Variants in PCCA observed in about 807,000 individuals in gnomAD.
PCCA encodes propionyl-CoA carboxylase alpha chain, mitochondrial.
A neutral mutation model predicts 101.3 loss-of-function variants in PCCA; 74 were observed. The observed-to-expected ratio is 0.73, with a 90% CI of 0.61 to 0.89. The LOEUF is 0.89. Ranked by LOEUF, PCCA falls within the 40% of genes least tolerant of loss-of-function variation. The pLI is 0.00. For synonymous variants in PCCA, 294 were observed against 313.6 expected (o/e 0.94, Z 0.66); for missense variants, 891 against 907.0 (o/e 0.98, Z 0.23).
intron 13 of PCCA, 151 bp downstream of exon 13, chr13:100,301,754 A>G: frequency 1.1e-6 from 1 of 927,804 alleles, no homozygotes; most frequent in Non-Finnish European, 1.7e-6. Flanking sequence ...AAAATTAGAT[A>G]ATTTTGACCT....
intron 21 of PCCA, among the ~76,000 whole-genome samples, chr13:100,469,224 A>AAAAAAAAAAAAAAAAAAAAAG (rs1235528727): frequency 6.7e-6 from 1 of 150,300 alleles, no homozygotes; most frequent in African/African-American, 2.4e-5. Flanking sequence ...AAAAAAAAAA[A>AAAAAAAAAAAAAAAAAAAAAG]AAAGAATCCC....
At chr13:100,270,898 A>G (rs938517414) in intron 11 of PCCA, among the ~76,000 whole-genome samples, 3 of 152,064 alleles carry the variant, frequency 2.0e-5, no homozygotes, top group South Asian at 2.1e-4. Context: ...AGTTCCAGCT[A>G]CTTGGGAGGC....
intron 12 of PCCA, among the ~76,000 whole-genome samples, chr13:100,281,767 T>C (rs1227753671): frequency 2.0e-5 from 3 of 152,242 alleles, no homozygotes; most frequent in African/African-American, 4.8e-5. Flanking sequence ...TAATGACTTC[T>C]AATAACCTGT....
At chr13:100,262,382 A>C (rs1188763944) in intron 9 of PCCA, among the ~76,000 whole-genome samples, 1 of 151,436 alleles carries the variant, frequency 6.6e-6, no homozygotes, top group African/African-American at 2.4e-5. Context: ...CGACAGAGTG[A>C]GACTCTGTCT....
At chr13:100,131,173 A>G (rs1033386644) in intron 4 of PCCA, among the ~76,000 whole-genome samples, 4 of 152,174 alleles carry the variant, frequency 2.6e-5, no homozygotes, top group Non-Finnish European at 4.4e-5. Flanking sequence ...TCTTGCCCTC[A>G]TTCTCTGTGA....
intron 20 of PCCA, among the ~76,000 whole-genome samples, chr13:100,426,648 A>C (rs1334424664): frequency 6.6e-6 from 1 of 152,176 alleles, no homozygotes; most frequent in Non-Finnish European, 1.5e-5. Context: ...GTTTCAATTG[A>C]TATATTATCT....
chr13:100,475,873 A>G (rs1182738235), intron 21 of PCCA, among the ~76,000 whole-genome samples: 1 of 152,134 alleles, frequency 6.6e-6, no homozygotes, highest in Non-Finnish European at 1.5e-5. Flanking sequence ...AATATTCTCT[A>G]TGTAGTATTC....
In PCCA at chr13:100,131,800, G is replaced by T. The variant is rs74116310; in HGVS notation, c.300+19739G>T. The stretch of plus-strand genomic sequence containing the variant: ...AGATGCTCCACATCTTTTGAACTAG[G>T]CAGTTGTGGTTCCTGCACTCTTGTG... On this transcript the variant is annotated intron_variant, in intron 4 of 23. Coordinates refer to ENST00000376285, the MANE Select transcript of PCCA (RefSeq NM_000282.4). Among the ~76,000 whole-genome samples, 1,225 of 152,276 alleles carry T rather than the reference G, an allele frequency of 8.0e-3. 15 individuals are homozygous for T. Among genetic ancestry groups the T allele is most frequent in the African/African-American group, 0.028 (1,167 of 41,544 alleles).
intron 22 of PCCA, among the ~76,000 whole-genome samples, chr13:100,526,511 G>T (rs534719019): frequency 3.9e-5 from 6 of 152,230 alleles, no homozygotes; most frequent in South Asian, 4.1e-4. Context: ...CGCCACACGG[G>T]GGGGCCAGAG....
chr13:100,301,346 A>G (rs1304459154), intron 12 of PCCA, 114 bp from the exon 13 acceptor site: 2 of 1,101,766 alleles, frequency 1.8e-6, no homozygotes, highest in Non-Finnish European at 2.8e-6. Context: ...AATATGTTCA[A>G]ATGTTACATT....
intron 6 of PCCA, among the ~76,000 whole-genome samples, chr13:100,174,160 T>G (rs1409721512): frequency 6.6e-6 from 1 of 152,094 alleles, no homozygotes; most frequent in East Asian, 1.9e-4. Context: ...TTATTTCTAA[T>G]TTATAGATGT....
intron 20 of PCCA, among the ~76,000 whole-genome samples, chr13:100,435,817 G>A (rs551451991): frequency 6.6e-6 from 1 of 152,218 alleles, no homozygotes; most frequent in Non-Finnish European, 1.5e-5. Flanking sequence ...GCCGAGGCAG[G>A]TGGATCACCT....
At chr13:100,198,818 C>T (rs762959288) in intron 6 of PCCA, among the ~76,000 whole-genome samples, 14 of 151,996 alleles carry the variant, frequency 9.2e-5, no homozygotes, top group Non-Finnish European at 1.8e-4. Context: ...CACATTTAAC[C>T]TTTAGTGCTA....
At chr13:100,239,383 G>A (rs1377951713) in intron 8 of PCCA, among the ~76,000 whole-genome samples, 4 of 152,102 alleles carry the variant, frequency 2.6e-5, no homozygotes, top group East Asian at 1.9e-4. Flanking sequence ...AAATTTGAGC[G>A]ACTACTTTGT....
At chr13:100,242,233 T>C (rs983526361) in intron 8 of PCCA, among the ~76,000 whole-genome samples, 6 of 152,144 alleles carry the variant, frequency 3.9e-5, no homozygotes, top group African/African-American at 1.4e-4. Context: ...AGATATCCCA[T>C]GTAAATAGTA....
At chr13:100,499,311 C>T (rs1232092121) in intron 21 of PCCA, among the ~76,000 whole-genome samples, 1 of 152,186 alleles carries the variant, frequency 6.6e-6, no homozygotes, top group Non-Finnish European at 1.5e-5. Flanking sequence ...AATCATTGTT[C>T]CATTCAGGTG....
chr13:100,262,775 G>C lies in PCCA; in HGVS notation c.763G>C (p.Asp255His). The change falls in exon 10 of 24, where the codon GAT (aspartate) becomes CAT (histidine). Residue 255 changes from aspartate (D) to histidine (H), a missense_variant. Transcript: ENST00000376285. The stretch of plus-strand genomic sequence containing the variant: ...TCAAGAAGCTGCTTCTAGTTTTGGC[G>C]ATGATAGACTACTAATAGAAAAATT... ...SSQEAASSFG[D>H]DRLLIEKFID... 6.3e-7 allele frequency: 1 copy of C among 1,593,556 alleles called. No individual in the cohort carries two copies. The highest frequency in any genetic ancestry group is 8.6e-7 in the Non-Finnish European group (1 of 1,163,708).
chr13:100,360,925 A>G (rs2074501856), intron 18 of PCCA, among the ~76,000 whole-genome samples: 1 of 152,244 alleles, frequency 6.6e-6, no homozygotes, highest in Non-Finnish European at 1.5e-5. Context: ...AGGCGAGTGG[A>G]TAAACTGGTA....
chr13:100,331,903 C>A (rs2069639184), intron 17 of PCCA, among the ~76,000 whole-genome samples: 1 of 148,382 alleles, frequency 6.7e-6, no homozygotes, highest in Non-Finnish European at 1.5e-5. Context: ...AAAATCTTAG[C>A]CATAATATTG....
Sources: gnomAD v4.1 joint callset for allele counts (sites outside exome capture counted in the v4.1 genomes callset) on GRCh38, gnomAD v4.1.1 for gene constraint, MANE v1.5 for transcripts, NCBI Gene and HGNC (gene_info 2026-07-23, HGNC 2026-07-21) for gene names.